The following TNIK variants were observed in gnomAD, a reference collection of about 807,000 sequenced individuals.
The protein encoded by TNIK is TRAF2 and NCK-interacting protein kinase.
In TNIK, 49 loss-of-function variants were observed where a neutral mutation model predicts 191.3. That is an observed-to-expected ratio of 0.26 (90% confidence interval 0.20 to 0.32). The LOEUF is 0.32. Ranked by LOEUF, TNIK falls within the 10% of genes least tolerant of loss-of-function variation. The pLI is 1.00. For missense variants in TNIK, 1,155 were observed against 1,702.3 expected (o/e 0.68, Z 5.66); for synonymous variants, 594 against 600.9 (o/e 0.99, Z 0.17).
At chr3:171,353,608 A>G (rs1713553347) in intron 2 of TNIK, among the ~76,000 whole-genome samples, 1 of 152,206 alleles carries the variant, frequency 6.6e-6, no homozygotes, top group Non-Finnish European at 1.5e-5. Context: ...TACTAAATCT[A>G]TGAAACACCT....
intron 3 of TNIK, among the ~76,000 whole-genome samples, chr3:171,223,687 AAATG>A (rs1742632744): frequency 1.3e-5 from 2 of 152,180 alleles, no homozygotes. Context: ...TGAAAGGATC[AAATG>A]AATTAATATA....
chr3:171,330,621 G>A (rs767862030), intron 2 of TNIK, among the ~76,000 whole-genome samples: 3 of 152,042 alleles, frequency 2.0e-5, no homozygotes, highest in Non-Finnish European at 4.4e-5. Flanking sequence ...GGAGGTATAG[G>A]GGCATTTTAT....
At chr3:171,415,998 G>GAAAAAAAAAAAAAA (rs58082222) in intron 1 of TNIK, among the ~76,000 whole-genome samples, 1 of 86,674 alleles carries the variant, frequency 1.2e-5, no homozygotes, top group Non-Finnish European at 2.1e-5. Flanking sequence ...AAAAAAAAAA[G>GAAAAAAAAAAAAAA]AAAGAAAAAG....
At chr3:171,139,336 C>A in intron 14 of TNIK, 134 bp downstream of exon 14, 1 of 744,396 alleles carries the variant, frequency 1.3e-6, no homozygotes. Context: ...TTAGAAGATC[C>A]CCTCTTCTGG....
chr3:171,083,076 G>A (rs1186332961), intron 26 of TNIK, among the ~76,000 whole-genome samples: 1 of 152,128 alleles, frequency 6.6e-6, no homozygotes, highest in African/African-American at 2.4e-5. Context: ...GCACATAAGT[G>A]GCTTTGTCTG....
At chr3:171,457,752 C>T (rs1728942432) in intron 1 of TNIK, among the ~76,000 whole-genome samples, 1 of 152,236 alleles carries the variant, frequency 6.6e-6, no homozygotes, top group African/African-American at 2.4e-5. Flanking sequence ...GTTCCTGGTC[C>T]CCAAGCTAGC....
At chr3:171,369,568 C>T (rs541711506) in intron 2 of TNIK, 52 bp downstream of exon 2, 101 of 1,472,790 alleles carry the variant, frequency 6.9e-5, no homozygotes, top group Non-Finnish European at 8.9e-5. Context: ...TGCAATTTGT[C>T]ATTCATGAAC....
At chr3:171,416,302 T>C (rs778986062) in intron 1 of TNIK, among the ~76,000 whole-genome samples, 8 of 152,132 alleles carry the variant, frequency 5.3e-5, no homozygotes, top group Non-Finnish European at 8.8e-5. Context: ...CATGAAATGT[T>C]CTTGCTAAAA....
At chr3:171,262,187 T>C (rs143453951) in intron 2 of TNIK, among the ~76,000 whole-genome samples, 1,565 of 152,240 alleles carry the variant, frequency 0.01, 33 homozygotes, top group African/African-American at 0.036. Context: ...CCCTTCGTTT[T>C]GTTTAGAAAA....
chr3:171,345,505 A>G (rs1712019351), intron 2 of TNIK, among the ~76,000 whole-genome samples: 1 of 152,116 alleles, frequency 6.6e-6, no homozygotes, highest in Admixed American at 6.6e-5. Flanking sequence ...GCTCACAAAG[A>G]AAGCCCTAGA....
intron 1 of TNIK, among the ~76,000 whole-genome samples, chr3:171,396,073 C>G (rs1404452160): frequency 6.6e-6 from 1 of 152,072 alleles, no homozygotes; most frequent in Admixed American, 6.6e-5. Context: ...AAAGAAACCC[C>G]ATACCCTGTA....
intron 2 of TNIK, among the ~76,000 whole-genome samples, chr3:171,341,481 A>C (rs1757517877): frequency 3.4e-4 from 3 of 8,712 alleles, no homozygotes; most frequent in Non-Finnish European, 6.6e-4. Context: ...CAAAAAAAAA[A>C]AAAAAAAAAA....
Position 171,278,156 on chromosome 3 carries a change from T to C in TNIK, c.124-49935A>G, listed in dbSNP as rs564974286. On this transcript the variant is annotated intron_variant, in intron 2 of 32. Coordinates refer to ENST00000436636, the MANE Select transcript of TNIK (RefSeq NM_015028.4). Reference sequence around the variant, plus strand: ...TGTCTAATGTTTTCTGACTGGGACATGTAAAAGGGGATTTGTGGGCCCCAG... The same window carrying C: ...TGTCTAATGTTTTCTGACTGGGACACGTAAAAGGGGATTTGTGGGCCCCAG... Among the ~76,000 whole-genome samples the C allele has an allele frequency of 4.6e-5, 7 of 152,320 alleles. No individual in the cohort carries two copies. The South Asian group carries it at 1.5e-3, about 32-fold the overall frequency.
intron 2 of TNIK, among the ~76,000 whole-genome samples, chr3:171,305,583 T>C (rs1367024643): frequency 6.6e-6 from 1 of 152,090 alleles, no homozygotes; most frequent in Non-Finnish European, 1.5e-5. Flanking sequence ...CAAAAGAAGA[T>C]ATACATGTGG....
At chr3:171,407,619 A>T (rs1314945070) in intron 1 of TNIK, among the ~76,000 whole-genome samples, 1 of 152,238 alleles carries the variant, frequency 6.6e-6, no homozygotes, top group African/African-American at 2.4e-5. Context: ...CCAGACAAAC[A>T]CTTTAGTTGG....
chr3:171,059,848 C>T lies in TNIK; in HGVS notation c.*4033G>A, dbSNP rs1399794531. ...TTAGATTTAAATTTTGAAGAATGAA[C>T]TAAAAGGTAACTAACAAGTTAGAGA... On this transcript the variant is annotated 3_prime_UTR_variant, in exon 33 of 33. Coordinates refer to ENST00000436636, the MANE Select transcript of TNIK (RefSeq NM_015028.4). Among the ~76,000 whole-genome samples the T allele has an allele frequency of 6.6e-6, 1 of 151,974 alleles. No homozygotes were observed. Among genetic ancestry groups the T allele is most frequent in the Non-Finnish European group, 1.5e-5 (1 of 67,998 alleles).
chr3:171,088,899 C>A (rs1192824182), intron 23 of TNIK, among the ~76,000 whole-genome samples: 1 of 152,154 alleles, frequency 6.6e-6, no homozygotes, highest in Non-Finnish European at 1.5e-5. Context: ...TTTTTTAGTT[C>A]CTACTAAGTG....
rs1251273731 is a variant in TNIK at position 171,066,292 on chromosome 3, G to A, written c.3894C>T (p.Gly1298=). 3 of 1,613,744 alleles carry A rather than the reference G, an allele frequency of 1.9e-6. No homozygotes were observed. The highest frequency in any genetic ancestry group is 2.5e-6 in the Non-Finnish European group (3 of 1,179,858). Residue 1298 remains glycine (G), a synonymous_variant, in exon 32 of 33, where the codon GGC becomes GGT. Coordinates refer to ENST00000436636, the MANE Select transcript of TNIK (RefSeq NM_015028.4). ...CTGACCGGATCTCAATAGCTTTCTCGCCCCAGCCCATTATCTGATTGGAAT... is the reference window on the plus strand; with the variant it reads ...CTGACCGGATCTCAATAGCTTTCTCACCCCAGCCCATTATCTGATTGGAAT... ...YIHSNQIMGW[G]EKAIEIRSVE...
At chr3:171,312,950 C>G (rs1368758781) in intron 2 of TNIK, among the ~76,000 whole-genome samples, 1 of 152,120 alleles carries the variant, frequency 6.6e-6, no homozygotes, top group Non-Finnish European at 1.5e-5. Flanking sequence ...TAATGTACTT[C>G]TGACCTTGCA....
Sources: gnomAD v4.1 joint callset for allele counts (sites outside exome capture counted in the v4.1 genomes callset) on GRCh38, gnomAD v4.1.1 for gene constraint, MANE v1.5 for transcripts, NCBI Gene and HGNC (gene_info 2026-07-23, HGNC 2026-07-21) for gene names.